Variants in PUDP observed in about 807,000 individuals in gnomAD.
PUDP encodes the protein pseudouridine 5'-phosphatase.
In PUDP, 8 loss-of-function variants were observed where a neutral mutation model predicts 9.4. That is an observed-to-expected ratio of 0.85 (90% confidence interval 0.50 to 1.53). The LOEUF is 1.53. Ranked by LOEUF, PUDP falls within the 40% of genes most tolerant of loss-of-function variation. The pLI is 0.00. For synonymous variants in PUDP, 99 were observed against 80.7 expected, an observed-to-expected ratio of 1.23 and a Z score of -1.22; for missense variants, 188 against 189.7, an observed-to-expected ratio of 0.99 and a Z score of 0.05.
intron 3 of PUDP, among the ~76,000 whole-genome samples, chrX:7,051,438 C>T (rs1002955812): frequency 9.0e-6 from 1 of 111,287 alleles, no homozygotes; most frequent in African/African-American, 3.3e-5. Flanking sequence ...GCACACTGTT[C>T]GGTTGACGTG....
rs148045296 is a variant in PUDP at position 6,750,857 on chromosome X, C to T, written c.*248-44391G>A. Among the ~76,000 whole-genome samples, 49 of 111,543 alleles carry T rather than the reference C, an allele frequency of 4.4e-4. No individual in the cohort carries two copies. In the East Asian group the frequency reaches 5.6e-3, roughly 13 times the overall value. On this transcript the variant is annotated intron_variant and NMD_transcript_variant, in intron 3 of 3. Transcript: ENST00000655425. ...AATTTCTAGTTCAGAAATACAATTG[C>T]GGCCGGGCTTGGTGGCTCACACCTC... is the stretch of plus-strand genomic sequence containing the variant.
intron 3 of PUDP, among the ~76,000 whole-genome samples, chrX:6,922,857 C>G (rs1271699309): frequency 8.9e-6 from 1 of 112,315 alleles, no homozygotes; most frequent in Non-Finnish European, 1.9e-5. Flanking sequence ...TCATCTTAAA[C>G]AAAATAAATA....
chrX:7,072,783 C>T (rs1317628694), intron 3 of PUDP, among the ~76,000 whole-genome samples: 2 of 95,849 alleles, frequency 2.1e-5, no homozygotes, highest in African/African-American at 8.0e-5. Context: ...CACTGCACTC[C>T]AGCCTATGCA....
chrX:7,029,405 T>C (rs895505244), intron 1 of PUDP, among the ~76,000 whole-genome samples: 1 of 112,097 alleles, frequency 8.9e-6, no homozygotes, highest in Non-Finnish European at 1.9e-5. Context: ...TTGAGGAAAG[T>C]GGTCGCTTAA....
intron 3 of PUDP, among the ~76,000 whole-genome samples, chrX:6,761,961 G>C (rs1300695251): frequency 8.9e-6 from 1 of 112,042 alleles, no homozygotes; most frequent in Non-Finnish European, 1.9e-5. Context: ...AGGCTGAGAA[G>C]GGTGGATGGC....
chrX:6,962,190 G>C (rs1928718920), intron 3 of PUDP, among the ~76,000 whole-genome samples: 1 of 111,661 alleles, frequency 9.0e-6, no homozygotes, highest in South Asian at 3.7e-4. Flanking sequence ...GCCAGTCACT[G>C]TGGTTGGATC....
intron 1 of PUDP, among the ~76,000 whole-genome samples, chrX:7,141,924 C>T (rs913839188): frequency 2.7e-5 from 3 of 112,267 alleles, no homozygotes; most frequent in Non-Finnish European, 3.8e-5. Flanking sequence ...CTGTTTACAG[C>T]ATGGTTTACC....
At chrX:7,125,760 G>C (rs1440713539) in intron 1 of PUDP, among the ~76,000 whole-genome samples, 4 of 111,757 alleles carry the variant, frequency 3.6e-5, no homozygotes, top group Non-Finnish European at 7.5e-5. Flanking sequence ...GGCGGCAGAC[G>C]TGACAGCGAG....
intron 3 of PUDP, among the ~76,000 whole-genome samples, chrX:6,817,666 C>G (rs1001053541): frequency 1.1e-4 from 12 of 111,425 alleles, no homozygotes; most frequent in African/African-American, 3.6e-4. Flanking sequence ...TGATTGGATA[C>G]ATTTTTGAAG....
intron 3 of PUDP, among the ~76,000 whole-genome samples, chrX:6,977,042 A>G (rs1056517701): frequency 4.4e-5 from 5 of 112,588 alleles, no homozygotes; most frequent in Non-Finnish European, 7.5e-5. Context: ...CCTAGGCAAC[A>G]GAAAATTGCT....
intron 1 of PUDP, among the ~76,000 whole-genome samples, chrX:6,709,498 T>A (rs1357777397): frequency 8.9e-6 from 1 of 111,996 alleles, no homozygotes; most frequent in African/African-American, 3.2e-5. Flanking sequence ...AAGGAATCCC[T>A]CACTCAACAA....
chrX:7,056,287 C>T (rs528670005), intron 3 of PUDP, among the ~76,000 whole-genome samples: 2 of 111,794 alleles, frequency 1.8e-5, no homozygotes, highest in African/African-American at 3.2e-5. Context: ...GAAGTGCCCA[C>T]GGCTCCCTTC....
chrX:7,070,323 G>A (rs912961322), intron 3 of PUDP, among the ~76,000 whole-genome samples: 1 of 111,812 alleles, frequency 8.9e-6, no homozygotes, highest in Non-Finnish European at 1.9e-5. Context: ...AGTGAGCAGA[G>A]GCATGCCTAT....
chrX:6,887,749 C>A (rs1927451270), intron 3 of PUDP, among the ~76,000 whole-genome samples: 1 of 112,061 alleles, frequency 8.9e-6, no homozygotes, highest in Admixed American at 9.5e-5. Flanking sequence ...TTGAAATCCA[C>A]ATCTTCACCT....
chrX:7,143,173 G>C (rs946167641), intron 1 of PUDP, among the ~76,000 whole-genome samples: 1 of 110,105 alleles, frequency 9.1e-6, no homozygotes, highest in Non-Finnish European at 1.9e-5. Flanking sequence ...ATGTATTTAA[G>C]GTTATGTACA....
chrX:6,729,776 G>A (rs1924787447), intron 3 of PUDP, among the ~76,000 whole-genome samples: 1 of 111,274 alleles, frequency 9.0e-6, no homozygotes, highest in Non-Finnish European at 1.9e-5. Context: ...TCCTTATTTG[G>A]AAGCAAGACT....
rs771259644 is a variant in PUDP, at chrX:7,112,658, G to A, written c.62-6820C>T. 1.7e-4 allele frequency among the ~76,000 whole-genome samples: 19 copies of A among 111,943 alleles called. No homozygotes were observed. The South Asian group carries it at 6.8e-3, about 40-fold the overall frequency. On this transcript the variant is annotated intron_variant, in intron 1 of 3. Transcript: ENST00000381077. ...AGTTATGAAGATGTTAGCTGACTGT[G>A]TGTGTGCACGTTTTAAGAGTTCAGC...
upstream of PUDP, among the ~76,000 whole-genome samples, chrX:6,721,714 G>A (rs1349058586): frequency 8.9e-6 from 1 of 111,909 alleles, no homozygotes; most frequent in African/African-American, 3.2e-5. Flanking sequence ...TTCACTAAAG[G>A]GAAGGTTCAA....
intron 3 of PUDP, among the ~76,000 whole-genome samples, chrX:6,807,109 T>G (rs1926063213): frequency 1.8e-5 from 2 of 112,451 alleles, no homozygotes; most frequent in Non-Finnish European, 3.8e-5. Context: ...TATACAGCCA[T>G]GTTTACAAAA....
Sources: allele counts gnomAD v4.1 joint callset (sites outside exome capture counted in the v4.1 genomes callset), GRCh38; gene constraint gnomAD v4.1.1; transcripts MANE v1.5; gene names NCBI Gene and HGNC (gene_info 2026-07-23, HGNC 2026-07-21).